TMC1: variants seen among roughly 807,000 people sequenced by gnomAD.
TMC1 encodes transmembrane channel like 1, also known as transmembrane channel-like protein 1.
TMC1 carries 84 observed loss-of-function variants against 105.8 expected under a neutral mutation model. The observed-to-expected ratio is 0.79, with a 90% CI of 0.67 to 0.95. TMC1 has a LOEUF of 0.95. Ranked by LOEUF, TMC1 falls within the 40% of genes least tolerant of loss-of-function variation. The probability of loss-of-function intolerance (pLI) is 0.00; values close to 1 mark genes in which losing one functional copy is unlikely to be tolerated. For missense variants in TMC1, 817 were observed against 914.1 expected, an observed-to-expected ratio of 0.89 and a Z score of 1.37; for synonymous variants, 315 against 311.5, an observed-to-expected ratio of 1.01 and a Z score of -0.12.
intron 8 of TMC1, among the ~76,000 whole-genome samples, chr9:72,703,160 T>C (rs12552806): frequency 6.6e-6 from 1 of 152,156 alleles, no homozygotes; most frequent in Admixed American, 6.5e-5. Flanking sequence ...GGGTCTTAAC[T>C]CTGTTGCCCA....
intron 2 of TMC1, among the ~76,000 whole-genome samples, chr9:72,593,765 C>A (rs756010056): frequency 6.6e-6 from 1 of 151,504 alleles, no homozygotes; most frequent in Admixed American, 6.6e-5. Flanking sequence ...TGGAAACAGG[C>A]GAAAACCTAG....
intron 5 of TMC1, among the ~76,000 whole-genome samples, chr9:72,662,352 A>ATTTTTTTTT (rs11378166): frequency 7.2e-6 from 1 of 138,684 alleles, no homozygotes. Flanking sequence ...ACACTCAGCA[A>ATTTTTTTTT]TTTTTTTTTT....
At chr9:72,616,064 A>G (rs1587991071) in intron 2 of TMC1, among the ~76,000 whole-genome samples, 1 of 152,200 alleles carries the variant, frequency 6.6e-6, no homozygotes, top group African/African-American at 2.4e-5. Context: ...CCATTTGTTG[A>G]TGCTTAGGGA....
At chr9:72,829,438 C>CT (rs1274368574) in intron 21 of TMC1, among the ~76,000 whole-genome samples, 1 of 152,150 alleles carries the variant, frequency 6.6e-6, no homozygotes, top group Non-Finnish European at 1.5e-5. Flanking sequence ...CTTGTGAAAT[C>CT]TTTGAGTTCA....
chr9:72,636,707 C>CAAAA (rs59553107), intron 4 of TMC1, among the ~76,000 whole-genome samples: 1 of 83,272 alleles, frequency 1.2e-5, no homozygotes, highest in Non-Finnish European at 2.3e-5. Context: ...GACTCCATCT[C>CAAAA]AAAAAAAAAA....
intron 5 of TMC1, among the ~76,000 whole-genome samples, chr9:72,674,562 G>GC (rs1826172420): frequency 6.6e-6 from 1 of 152,210 alleles, no homozygotes; most frequent in Non-Finnish European, 1.5e-5. Context: ...AGCAGCTTTA[G>GC]CACCACTTGG....
chr9:72,817,322 T>C (rs990449210), intron 19 of TMC1: 2 of 152,124 alleles, frequency 1.3e-5, no homozygotes, highest in African/African-American at 4.8e-5. Context: ...ATTCCCTTCC[T>C]TTCTAAATTT....
intron 10 of TMC1, among the ~76,000 whole-genome samples, chr9:72,746,850 C>T (rs780160413): frequency 9.9e-5 from 15 of 152,170 alleles, no homozygotes; most frequent in Non-Finnish European, 1.5e-4. Flanking sequence ...TGGGGTTTTA[C>T]TGTCACGTCA....
intron 2 of TMC1, among the ~76,000 whole-genome samples, chr9:72,581,378 G>A (rs185904505): frequency 2.6e-5 from 4 of 152,302 alleles, no homozygotes; most frequent in Non-Finnish European, 5.9e-5. Flanking sequence ...CTGGCCATCT[G>A]TGATGATCAC....
rs1002823915 is a variant in TMC1, at chr9:72,623,734, C to T, written c.-195-4187C>T. Among the ~76,000 whole-genome samples, 4 of 152,210 alleles carry T rather than the reference C, an allele frequency of 2.6e-5. No homozygotes were observed. The South Asian group carries it at 6.2e-4, about 24-fold the overall frequency. ...TGAAGGTAATTTCCCAGGCCCACAA[C>T]GTTTTCTTCCCAAGCTGGTGCCGTA... On this transcript the variant is annotated intron_variant, in intron 3 of 23. Transcript: ENST00000297784.
chr9:72,558,142 TTC>T (rs900878535), intron 1 of TMC1, among the ~76,000 whole-genome samples: 15 of 150,780 alleles, frequency 9.9e-5, no homozygotes, highest in African/African-American at 3.4e-4. Flanking sequence ...TGGTGAACAT[TTC>T]TCTCTCTCTC....
At position 72,648,415 on chromosome 9, in the gene TMC1, G is replaced by A. The variant is rs572847491; in HGVS notation, c.-52-182G>A. 2.6e-5 allele frequency among the ~76,000 whole-genome samples: 4 copies of A among 152,196 alleles called. No individual in the cohort carries two copies. In the South Asian group the frequency reaches 8.3e-4, roughly 32 times the overall value. ...CATGAACCCCAAATTCAACCCCTTT[G>A]ACCTGAGTACTCCGTCCCTTAAATG... On this transcript the variant is annotated intron_variant, in intron 4 of 23. Coordinates refer to ENST00000297784, the MANE Select transcript of TMC1 (RefSeq NM_138691.3).
chr9:72,619,269 G>A (rs549182101), intron 3 of TMC1, among the ~76,000 whole-genome samples: 4 of 152,162 alleles, frequency 2.6e-5, no homozygotes, highest in Non-Finnish European at 4.4e-5. Flanking sequence ...GATACTCATA[G>A]CAGCATTATT....
Position 72,792,484 on chromosome 9 carries a change from G to A in TMC1, c.1566+132G>A, listed in dbSNP as rs1018854495. On this transcript the variant is annotated intron_variant, in intron 17 of 23. Coordinates refer to ENST00000297784, the MANE Select transcript of TMC1 (RefSeq NM_138691.3). The stretch of plus-strand genomic sequence containing the variant: ...CTAAGATTTGTTGAATGTTGACTGT[G>A]TGCTGGCTCTGAATTTCATGTATAT... 23 of 1,072,764 alleles carry A rather than the reference G, an allele frequency of 2.1e-5. No individual in the cohort carries two copies. The African/African-American group carries it at 2.5e-4, about 12-fold the overall frequency. The allele number at this position is 1,072,764 out of a possible 1,614,324, so 66.5% of individuals were successfully genotyped here.
intron 1 of TMC1, among the ~76,000 whole-genome samples, chr9:72,557,534 C>A (rs976298874): frequency 2.0e-5 from 3 of 152,084 alleles, no homozygotes; most frequent in Non-Finnish European, 4.4e-5. Flanking sequence ...GAAATGACAA[C>A]AACTGTTAAA....
At chr9:72,674,072 C>A (rs1826165166) in intron 5 of TMC1, among the ~76,000 whole-genome samples, 1 of 152,058 alleles carries the variant, frequency 6.6e-6, no homozygotes, top group Non-Finnish European at 1.5e-5. Flanking sequence ...TAGGAACAAA[C>A]CTGACAAAAG....
chr9:72,646,842 C>A (rs1377364461), intron 4 of TMC1, among the ~76,000 whole-genome samples: 1 of 151,752 alleles, frequency 6.6e-6, no homozygotes, highest in Non-Finnish European at 1.5e-5. Flanking sequence ...TGATACTAAT[C>A]TTTTAGAAAG....
chr9:72,561,272 C>T (rs1047422120), intron 1 of TMC1, among the ~76,000 whole-genome samples: 1 of 131,948 alleles, frequency 7.6e-6, no homozygotes, highest in East Asian at 2.5e-4. Context: ...GAGCCGAGAT[C>T]GTGCCACTGC....
At chr9:72,748,195 A>G (rs539652162) in intron 10 of TMC1, among the ~76,000 whole-genome samples, 9 of 152,230 alleles carry the variant, frequency 5.9e-5, no homozygotes, top group Non-Finnish European at 1.2e-4. Context: ...TGCCTGGTTT[A>G]GAAGCCTGGC....
Sources: allele counts gnomAD v4.1 joint callset (sites outside exome capture counted in the v4.1 genomes callset), GRCh38; gene constraint gnomAD v4.1.1; transcripts MANE v1.5; gene names NCBI Gene and HGNC (gene_info 2026-07-23, HGNC 2026-07-21).